SCRIB: variants seen among roughly 807,000 people sequenced by gnomAD.
SCRIB encodes protein scribble homolog.
Under a neutral mutation model 170.0 loss-of-function variants are expected in SCRIB, and 72 were observed. The ratio of observed to expected loss-of-function variants is 0.42; its 90% CI spans 0.35 to 0.52. The LOEUF (loss-of-function observed/expected upper bound fraction) is 0.52. Ranked by LOEUF, SCRIB falls within the 20% of genes least tolerant of loss-of-function variation. SCRIB has a pLI of 0.02. For synonymous variants in SCRIB, 1,298 were observed against 1,044.3 expected, an observed-to-expected ratio of 1.24 and a Z score of -4.68; for missense variants, 2,475 against 2,338.5, an observed-to-expected ratio of 1.06 and a Z score of -1.20.
chr8:143,793,801 CCT>C, intron 28 of SCRIB, 97 bp downstream of exon 28: 6 of 1,249,414 alleles, frequency 4.8e-6, no homozygotes, highest in Non-Finnish European at 6.9e-6. Flanking sequence ...CACGATGGCC[CCT>C]GACCCCCCAT....
intron 24 of SCRIB, among the ~76,000 whole-genome samples, chr8:143,802,770 T>G (rs1412253299): frequency 1.3e-5 from 2 of 152,186 alleles, no homozygotes; most frequent in African/African-American, 2.4e-5. Flanking sequence ...GCCGTGCTGG[T>G]GGGGAGGACT....
Position 143,814,110 on chromosome 8 carries a change from G to GA in SCRIB, c.167dup (p.Arg57ProfsTer40). The GA allele has an allele frequency of 6.4e-7, 1 of 1,553,344 alleles. No homozygotes were observed. Among genetic ancestry groups the GA allele is most frequent in the Non-Finnish European group, 8.7e-7 (1 of 1,148,102 alleles). ...CCAGCTTGCGCAAGTTCAGCAGCCG[G>GA]AAAAAAGGCTGTGGGCAGGGAGGAC... On this transcript the variant is annotated frameshift_variant, in exon 2 of 37. Coordinates refer to ENST00000356994, the MANE Select transcript of SCRIB (RefSeq NM_182706.5). LOFTEE classifies it high-confidence loss of function.
At chr8:143,810,310 C>A (rs1815647268) in intron 13 of SCRIB, among the ~76,000 whole-genome samples, 169 bp downstream of exon 13, 1 of 152,324 alleles carries the variant, frequency 6.6e-6, no homozygotes, top group African/African-American at 2.4e-5. Flanking sequence ...CCCTGGCACC[C>A]TTCACCCAGC....
Position 143,795,446 on chromosome 8 carries a change from C to G in SCRIB, c.3688G>C (p.Glu1230Gln). 6.2e-7 allele frequency: 1 copy of G among 1,613,222 alleles called. No homozygotes were observed. The highest frequency in any genetic ancestry group is 8.5e-7 in the Non-Finnish European group (1 of 1,179,820). ...TTGCCTGGGCCCTCAGGGCTCAGCT[C>G]CCGGTCGATGGAAGAGATGCTCTCC... ...SLESISSIDRELSPEGPGKEK... is the reference protein window; with the variant it reads ...SLESISSIDRQLSPEGPGKEK... Residue 1230 changes from glutamate to glutamine, a missense_variant, in exon 25 of 37, where the codon GAG becomes CAG. Glu to Gln is a conservative substitution (Grantham distance 29, BLOSUM62 2). Coordinates refer to ENST00000356994, the MANE Select transcript of SCRIB (RefSeq NM_182706.5).
chr8:143,806,645 G>A (rs1458488813), intron 17 of SCRIB, among the ~76,000 whole-genome samples, 161 bp from the exon 18 acceptor site: 4 of 152,246 alleles, frequency 2.6e-5, no homozygotes, highest in African/African-American at 9.6e-5. Flanking sequence ...GAGTGCCAGG[G>A]GGTTAGAAGG....
At chr8:143,802,966 G>A (rs1815235301) in intron 24 of SCRIB, among the ~76,000 whole-genome samples, 1 of 152,232 alleles carries the variant, frequency 6.6e-6, no homozygotes, top group African/African-American at 2.4e-5. Flanking sequence ...ACTAGGCACA[G>A]GAGCGGGGAC....
chr8:143,802,292 G>A (rs1481984165), intron 24 of SCRIB, among the ~76,000 whole-genome samples: 1 of 152,236 alleles, frequency 6.6e-6, no homozygotes, highest in Non-Finnish European at 1.5e-5. Context: ...CCGCCAAGGG[G>A]CCCCCACGCT....
At position 143,792,152 on chromosome 8, in the gene SCRIB, AG is replaced by A; in HGVS notation, c.4515-20del. 7.0e-6 allele frequency: 11 copies of A among 1,560,638 alleles called. No homozygotes were observed. Among genetic ancestry groups the A allele is most frequent in the Non-Finnish European group, 9.5e-6 (11 of 1,158,368 alleles). Reference sequence around the variant, plus strand: ...CTTCATCCTGCAGAGAACAGCGGGCAGGGGTGACTTGGGGCAGGAGCAGGGA... The same window carrying A: ...CTTCATCCTGCAGAGAACAGCGGGCAGGGTGACTTGGGGCAGGAGCAGGGA... On this transcript the variant is annotated intron_variant, in intron 32 of 36. Coordinates refer to ENST00000356994, the MANE Select transcript of SCRIB (RefSeq NM_182706.5).
Position 143,795,533 on chromosome 8 carries a change from G to T in SCRIB, c.3604-3C>A. On this transcript the variant is annotated splice_region_variant and splice_polypyrimidine_tract_variant and intron_variant, in intron 24 of 36. Transcript: ENST00000356994. ...TTGGCAATGACACCTGGGGACACCT[G>T]AGAAGAGGGGTGTGGGCTAAGAAGG... 1 of 1,608,608 alleles carries T rather than the reference G, an allele frequency of 6.2e-7. No homozygotes were observed. The highest frequency in any genetic ancestry group is 8.5e-7 in the Non-Finnish European group (1 of 1,177,192).
chr8:143,793,678 C>T, intron 28 of SCRIB: 2 of 526,072 alleles, frequency 3.8e-6, no homozygotes, highest in Non-Finnish European at 6.8e-6. Flanking sequence ...AGGAACAGCA[C>T]ACTCAGGCCC....
intron 36 of SCRIB, 40 bp from the exon 37 acceptor site, chr8:143,791,348 C>T (rs782154485): frequency 6.3e-7 from 1 of 1,596,256 alleles, no homozygotes; most frequent in South Asian, 1.1e-5. Context: ...CTGAGGGCAG[C>T]TGGGCTCCTG....
intron 1 of SCRIB, 78 bp downstream of exon 1, chr8:143,815,136 G>C: frequency 1.4e-6 from 2 of 1,403,518 alleles, no homozygotes; most frequent in East Asian, 3.0e-5. Flanking sequence ...GCGGTGACTC[G>C]CCCGGGCAGA....
rs1172996608 is a variant in SCRIB, at chr8:143,809,608, G to A, written c.1641C>T (p.Ser547=). 1.2e-6 allele frequency: 2 copies of A among 1,611,050 alleles called. No individual in the cohort carries two copies. The highest frequency in any genetic ancestry group is 1.7e-6 in the Non-Finnish European group (2 of 1,179,912). ...EGPSAEAQGG[S]QQEATTAGGE... ...CGCCAGCAGTCGTGGCTTCCTGCTG[G>A]CTCCCACCCTGTGCCTCAGCCGACG... The change falls in exon 14 of 37, where the codon AGC becomes AGT. Residue 547 remains serine, a synonymous_variant. Coordinates refer to ENST00000356994, the MANE Select transcript of SCRIB (RefSeq NM_182706.5).
Position 143,791,909 on chromosome 8 carries a change from G to T in SCRIB, c.4662C>A (p.Leu1554=), listed in dbSNP as rs111739279. Residue 1554 remains leucine (L), a synonymous_variant, in exon 34 of 37, where the codon CTC becomes CTA. Coordinates refer to ENST00000356994, the MANE Select transcript of SCRIB (RefSeq NM_182706.5). ...CCGGGGAGGTGCTGGTCTGGGGGCC[G>T]AGGTCTGGGGGGACAAGAAGCGGGC... ...PTPSPTPVED[L]GPQTSTSPGR... is the part of the protein sequence containing the mutation. The T allele has an allele frequency of 6.6e-7, 1 of 1,513,328 alleles. No homozygotes were observed. Among genetic ancestry groups the T allele is most frequent in the South Asian group, 1.3e-5 (1 of 76,376 alleles). The allele number at this position is 1,513,328 out of a possible 1,614,324, so 93.7% of individuals were successfully genotyped here.
At chr8:143,807,055 G>A (rs971124541) in intron 16 of SCRIB, 42 bp from the exon 17 acceptor site, 2 of 1,428,750 alleles carry the variant, frequency 1.4e-6, no homozygotes, top group Admixed American at 1.8e-5. Flanking sequence ...GGCCGCAGTG[G>A]GGCTGCCTGT....
At chr8:143,803,289 G>A in intron 24 of SCRIB, 94 bp downstream of exon 24, 1 of 1,247,824 alleles carries the variant, frequency 8.0e-7, no homozygotes, top group Non-Finnish European at 1.1e-6. Flanking sequence ...CAGAGGCACA[G>A]GGGACCCGTC....
chr8:143,813,608 AC>A, intron 4 of SCRIB, 28 bp downstream of exon 4: 2 of 1,612,454 alleles, frequency 1.2e-6, no homozygotes, highest in Non-Finnish European at 8.5e-7. Flanking sequence ...CCCCCACCCC[AC>A]CCTAGTTCCA....
At chr8:143,794,575 CT>C (rs1327341392) in intron 27 of SCRIB, among the ~76,000 whole-genome samples, 2 of 152,070 alleles carry the variant, frequency 1.3e-5, no homozygotes, top group African/African-American at 4.8e-5. Context: ...GGCGCACCCT[CT>C]GGGAGGGTTA....
Position 143,805,328 on chromosome 8 carries a change from C to T in SCRIB, c.2454G>A (p.Glu818=), listed in dbSNP as rs1815374831. 2 of 1,543,918 alleles carry T rather than the reference C, an allele frequency of 1.3e-6. No individual in the cohort carries two copies. Among genetic ancestry groups the T allele is most frequent in the African/African-American group, 2.7e-5 (2 of 73,258 alleles). ...GCGTGATGGTGACCGCGTTCTCAGGCTCCACCATGCGCTCCCGCCACACTC... is the reference window on the plus strand; with the variant it reads ...GCGTGATGGTGACCGCGTTCTCAGGTTCCACCATGCGCTCCCGCCACACTC... ...QMRVWRERMV[E]PENAVTITPL... is the part of the protein sequence containing the mutation. The change falls in exon 19 of 37, where the codon GAG becomes GAA. Residue 818 remains glutamate (E), a synonymous_variant. Coordinates refer to ENST00000356994, the MANE Select transcript of SCRIB (RefSeq NM_182706.5).
Sources: allele counts gnomAD v4.1 joint callset (sites outside exome capture counted in the v4.1 genomes callset), GRCh38; gene constraint gnomAD v4.1.1; transcripts MANE v1.5; gene names NCBI Gene and HGNC (gene_info 2026-07-23, HGNC 2026-07-21).